The following HDAC4 variants were observed in gnomAD, a reference collection of about 807,000 sequenced individuals.
The protein encoded by HDAC4 is histone deacetylase 4.
HDAC4 carries 16 observed loss-of-function variants against 135.1 expected under a neutral mutation model. The ratio of observed to expected loss-of-function variants is 0.12; its 90% CI spans 0.08 to 0.18. The LOEUF is 0.18. Ranked by LOEUF, HDAC4 falls within the 10% of genes least tolerant of loss-of-function variation. HDAC4 has a pLI of 1.00. For synonymous variants in HDAC4, 685 were observed against 653.4 expected, an observed-to-expected ratio of 1.05 and a Z score of -0.74; for missense variants, 1,143 against 1,511.8, an observed-to-expected ratio of 0.76 and a Z score of 4.05.
chr2:239,322,290 G>A (rs2053341889), intron 2 of HDAC4, among the ~76,000 whole-genome samples: 1 of 152,252 alleles, frequency 6.6e-6, no homozygotes, highest in South Asian at 2.1e-4. Context: ...AAGTTTAGGG[G>A]AGTAAAGCCT....
At chr2:239,148,179 C>T (rs1401770444) in intron 7 of HDAC4, among the ~76,000 whole-genome samples, 1 of 152,202 alleles carries the variant, frequency 6.6e-6, no homozygotes, top group African/African-American at 2.4e-5. Context: ...CACCTGCTTC[C>T]AGCTGCTCTG....
chr2:239,226,138 C>A (rs1281761909), intron 3 of HDAC4, among the ~76,000 whole-genome samples: 1 of 152,098 alleles, frequency 6.6e-6, no homozygotes, highest in Non-Finnish European at 1.5e-5. Context: ...CAGTCCACAG[C>A]CTTAAAGCAC....
At chr2:239,210,389 C>T (rs581362) in intron 3 of HDAC4, among the ~76,000 whole-genome samples, 82,833 of 152,106 alleles carry the variant, frequency 0.54, 23,691 homozygotes, top group South Asian at 0.72. Flanking sequence ...ATTAAAAGCT[C>T]GGAAAAGCAA....
At chr2:239,294,801 T>G (rs367832823) in intron 2 of HDAC4, among the ~76,000 whole-genome samples, 8 of 152,058 alleles carry the variant, frequency 5.3e-5, no homozygotes, top group African/African-American at 1.9e-4. Flanking sequence ...GCGATGCCAC[T>G]CCTCCCTCAG....
chr2:239,064,831 G>A (rs987571371), intron 24 of HDAC4, among the ~76,000 whole-genome samples: 6 of 152,180 alleles, frequency 3.9e-5, no homozygotes, highest in African/African-American at 9.7e-5. Flanking sequence ...TGCAGGAGGC[G>A]TCCTCTGCGA....
chr2:239,368,049 T>C (rs6712793), intron 1 of HDAC4, among the ~76,000 whole-genome samples: 13,584 of 152,308 alleles, frequency 0.089, 798 homozygotes, highest in Non-Finnish European at 0.12. Context: ...TATCTCATTA[T>C]GTATACGCAA....
At chr2:239,067,467 G>A (rs945382129) in intron 23 of HDAC4, among the ~76,000 whole-genome samples, 12 of 152,324 alleles carry the variant, frequency 7.9e-5, no homozygotes, top group African/African-American at 1.9e-4. Context: ...ATGGGCTGGC[G>A]AGGCCGTAAC....
In HDAC4 at chr2:239,235,247, C is replaced by T. The variant is rs1032210693; in HGVS notation, c.94+1346G>A. ...ACCCCACAGACACAGAGAGCCTTCCCGGAGCAGGGCAAAGACACCTCCAGA... is the reference window on the plus strand; with the variant it reads ...ACCCCACAGACACAGAGAGCCTTCCTGGAGCAGGGCAAAGACACCTCCAGA... On this transcript the variant is annotated intron_variant, in intron 3 of 26. Transcript: ENST00000543185. Among the ~76,000 whole-genome samples the T allele has an allele frequency of 2.0e-5, 3 of 152,088 alleles. 1 individual carries two copies. Among genetic ancestry groups the T allele is most frequent in the African/African-American group, 7.2e-5 (3 of 41,420 alleles).
At chr2:239,379,694 C>T (rs1259101907) in intron 1 of HDAC4, among the ~76,000 whole-genome samples, 2 of 152,188 alleles carry the variant, frequency 1.3e-5, no homozygotes, top group Non-Finnish European at 2.9e-5. Context: ...CCCTGGCAGC[C>T]CCAAGGAGCC....
chr2:239,156,626 G>A (rs200453483), intron 7 of HDAC4, 26 bp downstream of exon 7: 28 of 1,613,886 alleles, frequency 1.7e-5, no homozygotes, highest in African/African-American at 4.0e-5. Flanking sequence ...GAGACCTCCC[G>A]GCCCACAGCA....
intron 21 of HDAC4, among the ~76,000 whole-genome samples, 189 bp from the exon 22 acceptor site, chr2:239,081,381 C>CT: frequency 6.6e-6 from 1 of 152,360 alleles, no homozygotes; most frequent in African/African-American, 2.4e-5. Context: ...CAGGGGCACA[C>CT]TGACATCAGC....
chr2:239,337,711 G>A (rs1334957920), intron 2 of HDAC4, among the ~76,000 whole-genome samples: 1 of 152,082 alleles, frequency 6.6e-6, no homozygotes, highest in Non-Finnish European at 1.5e-5. Flanking sequence ...TACGGCGACG[G>A]GGGAGACAGG....
At position 239,109,298 on chromosome 2, in the gene HDAC4, G is replaced by A. The variant is rs560298677; in HGVS notation, c.1979-1115C>T. On this transcript the variant is annotated intron_variant, in intron 14 of 26. Transcript: ENST00000543185. ...TCATCCAGGCTGATAAGGGCGGGGC[G>A]CACGGTGAAGAGCCTGGGCAAGCTG... Among the ~76,000 whole-genome samples, 3 of 152,320 alleles carry A rather than the reference G, an allele frequency of 2.0e-5. No homozygotes were observed. In the South Asian group the frequency reaches 6.2e-4, roughly 32 times the overall value.
chr2:239,136,770 G>A (rs1454672534), intron 9 of HDAC4, among the ~76,000 whole-genome samples: 1 of 152,216 alleles, frequency 6.6e-6, no homozygotes, highest in Non-Finnish European at 1.5e-5. Flanking sequence ...CTGGCCATTG[G>A]GGATAGGAAG....
At chr2:239,110,887 C>A (rs571142043) in intron 14 of HDAC4, among the ~76,000 whole-genome samples, 149 of 152,338 alleles carry the variant, frequency 9.8e-4, no homozygotes, top group African/African-American at 3.5e-3. Context: ...TAGCTCCAGG[C>A]AGACAAGTCC....
At position 239,352,788 on chromosome 2, in the gene HDAC4, A is replaced by G. The variant is rs909746092; in HGVS notation, c.-89T>C. ...CTCCAACGAGCTCCAAACTCCCACC[A>G]ACACATACAAGTACCGGGACGGTGA... On this transcript the variant is annotated 5_prime_UTR_variant, in exon 2 of 27. Coordinates refer to ENST00000543185, the MANE Select transcript of HDAC4 (RefSeq NM_001378414.1). The surrounding 1 kb of genome is among the most constrained non-coding windows in gnomAD (Gnocchi z 4.4). 3.2e-6 allele frequency: 4 copies of G among 1,269,790 alleles called. No individual in the cohort carries two copies. Among genetic ancestry groups the G allele is most frequent in the South Asian group, 1.3e-5 (1 of 78,342 alleles). The allele number at this position is 1,269,790 out of a possible 1,614,324, so 78.7% of individuals were successfully genotyped here.
intron 1 of HDAC4, among the ~76,000 whole-genome samples, chr2:239,354,459 A>G (rs1268157603): frequency 1.3e-5 from 2 of 151,804 alleles, no homozygotes; most frequent in East Asian, 3.9e-4. Flanking sequence ...CCTACCACTG[A>G]GAGTCCCTGG....
rs1203397920 is a variant in HDAC4, at chr2:239,144,454, G to T, written c.865+129C>A. ...GGCACTTCCAGCGCCATGGGAACAGGACCACACTGGGGGTTGACAGCGTGA... is the reference window on the plus strand; with the variant it reads ...GGCACTTCCAGCGCCATGGGAACAGTACCACACTGGGGGTTGACAGCGTGA... On this transcript the variant is annotated intron_variant, in intron 8 of 26. Coordinates refer to ENST00000543185, the MANE Select transcript of HDAC4 (RefSeq NM_001378414.1). The T allele has an allele frequency of 4.9e-6, 6 of 1,235,136 alleles. No individual in the cohort carries two copies. In the East Asian group the frequency reaches 9.3e-5, roughly 19 times the overall value. 76.5% of individuals were successfully genotyped at this position (1,235,136 alleles called of 1,614,324 possible).
chr2:239,341,068 T>C (rs915596173), intron 2 of HDAC4, among the ~76,000 whole-genome samples: 1 of 152,200 alleles, frequency 6.6e-6, no homozygotes, highest in Non-Finnish European at 1.5e-5. Context: ...ACTCCTCATC[T>C]CTCTGGTTTA....
Sources: gnomAD v4.1 joint callset for allele counts (sites outside exome capture counted in the v4.1 genomes callset) on GRCh38, gnomAD v4.1.1 for gene constraint, Gnocchi (gnomAD v3.1) non-coding constraint, MANE v1.5 for transcripts, NCBI Gene and HGNC (gene_info 2026-07-23, HGNC 2026-07-21) for gene names.